Variants in TPH2 observed in about 807,000 individuals in gnomAD.
TPH2 encodes tryptophan hydroxylase 2.
In TPH2, 27 loss-of-function variants were observed where a neutral mutation model predicts 59.1. The observed-to-expected ratio is 0.46, with a 90% CI of 0.34 to 0.63. TPH2 has a LOEUF of 0.63. Ranked by LOEUF, TPH2 falls within the 30% of genes least tolerant of loss-of-function variation. The pLI is 0.01. For synonymous variants in TPH2, 220 were observed against 210.5 expected, an observed-to-expected ratio of 1.05 and a Z score of -0.39; for missense variants, 523 against 588.3, an observed-to-expected ratio of 0.89 and a Z score of 1.15.
intron 7 of TPH2, among the ~76,000 whole-genome samples, chr12:71,985,240 G>A (rs1432698581): frequency 6.6e-6 from 1 of 152,220 alleles, no homozygotes; most frequent in African/African-American, 2.4e-5. Context: ...CAGGAGTAAT[G>A]CCAGCACCTG....
intron 8 of TPH2, among the ~76,000 whole-genome samples, chr12:72,008,622 T>C (rs1873018082): frequency 6.6e-6 from 1 of 152,158 alleles, no homozygotes. Context: ...ACAATTTTGG[T>C]GAGGAAAGGA....
intron 7 of TPH2, among the ~76,000 whole-genome samples, chr12:71,987,748 G>C (rs983771732): frequency 6.6e-6 from 1 of 152,114 alleles, no homozygotes; most frequent in South Asian, 2.1e-4. Flanking sequence ...GCTACTCGGC[G>C]GGCTGAGGCA....
intron 5 of TPH2, among the ~76,000 whole-genome samples, chr12:71,954,158 C>G (rs1393292749): frequency 6.6e-6 from 1 of 151,930 alleles, no homozygotes; most frequent in Admixed American, 6.6e-5. Context: ...TACCATGAAC[C>G]CGAAAGAGGA....
At chr12:71,945,736 C>T (rs1277276521) in intron 4 of TPH2, among the ~76,000 whole-genome samples, 1 of 152,126 alleles carries the variant, frequency 6.6e-6, no homozygotes, top group Non-Finnish European at 1.5e-5. Context: ...CTAGGGAAAT[C>T]TTCAATTAAA....
At chr12:72,028,452 AC>A (rs1352527607) in intron 9 of TPH2, among the ~76,000 whole-genome samples, 1 of 152,158 alleles carries the variant, frequency 6.6e-6, no homozygotes, top group Non-Finnish European at 1.5e-5. Flanking sequence ...GGAATCAAAG[AC>A]ATGGATGCTA....
chr12:71,985,082 TG>T (rs1238248027), intron 7 of TPH2, among the ~76,000 whole-genome samples: 1 of 152,208 alleles, frequency 6.6e-6, no homozygotes, highest in Non-Finnish European at 1.5e-5. Flanking sequence ...TTAAGTGTAA[TG>T]TATGGATGGA....
chr12:71,978,392 C>T (rs1348350772), intron 6 of TPH2, among the ~76,000 whole-genome samples: 1 of 152,112 alleles, frequency 6.6e-6, no homozygotes, highest in Non-Finnish European at 1.5e-5. Context: ...TACCATAAGC[C>T]AATAGAGCAA....
At chr12:71,975,639 A>G (rs1872097348) in intron 6 of TPH2, among the ~76,000 whole-genome samples, 1 of 152,140 alleles carries the variant, frequency 6.6e-6, no homozygotes, top group South Asian at 2.1e-4. Flanking sequence ...AATTCTACCT[A>G]TTCTTCAGGA....
chr12:72,006,282 A>AT (rs1330589837), intron 8 of TPH2, among the ~76,000 whole-genome samples: 2 of 152,198 alleles, frequency 1.3e-5, no homozygotes, highest in Non-Finnish European at 2.9e-5. Context: ...GACTATCATA[A>AT]TAGGTGCAGA....
chr12:71,990,254 CAG>C (rs1427038673), intron 7 of TPH2, among the ~76,000 whole-genome samples: 1 of 152,142 alleles, frequency 6.6e-6, no homozygotes, highest in Non-Finnish European at 1.5e-5. Context: ...ATTAGATACT[CAG>C]GGGTTCGGCT....
chr12:72,002,605 G>A (rs1292900658), intron 8 of TPH2, among the ~76,000 whole-genome samples: 4 of 152,008 alleles, frequency 2.6e-5, no homozygotes, highest in African/African-American at 7.3e-5. Context: ...TACATTATAC[G>A]GTCACAGTGG....
chr12:71,971,274 C>T (rs766991126), intron 5 of TPH2, among the ~76,000 whole-genome samples: 2 of 152,172 alleles, frequency 1.3e-5, no homozygotes, highest in Non-Finnish European at 2.9e-5. Flanking sequence ...CCTAGTTTTA[C>T]GTGCATATGT....
intron 9 of TPH2, among the ~76,000 whole-genome samples, chr12:72,023,824 A>AAAAAAAAAAAAG (rs767946729): frequency 0.011 from 1,371 of 126,740 alleles, 31 homozygotes; most frequent in Non-Finnish European, 0.014. Flanking sequence ...TCTGACAGAA[A>AAAAAAAAAAAAG]AAAAAAAAAA....
chr12:71,941,098 A>G lies in TPH2; in HGVS notation c.106-486A>G, dbSNP rs867648614. Among the ~76,000 whole-genome samples the G allele has an allele frequency of 1.3e-5, 2 of 152,352 alleles. 1 individual carries two copies. Among genetic ancestry groups the G allele is most frequent in the Middle Eastern group, 6.8e-3 (2 of 294 alleles). On this transcript the variant is annotated intron_variant, in intron 1 of 10. Coordinates refer to ENST00000333850, the MANE Select transcript of TPH2 (RefSeq NM_173353.4). ...CATTAATTTCTGGGCATGTGCTGAC[A>G]TATTTTGGAATGAAATCGATATTTT...
chr12:71,950,280 T>C (rs1476413919), intron 5 of TPH2, among the ~76,000 whole-genome samples: 1 of 152,174 alleles, frequency 6.6e-6, no homozygotes, highest in African/African-American at 2.4e-5. Context: ...AGGCTTTGTG[T>C]GAGCAATAAA....
intron 8 of TPH2, among the ~76,000 whole-genome samples, chr12:72,007,253 C>T (rs974908820): frequency 2.6e-5 from 4 of 152,036 alleles, no homozygotes; most frequent in African/African-American, 9.7e-5. Flanking sequence ...GCACACCTCC[C>T]CCGAGCATAG....
At chr12:72,009,644 A>AGT (rs1304603861) in intron 8 of TPH2, among the ~76,000 whole-genome samples, 1 of 152,202 alleles carries the variant, frequency 6.6e-6, no homozygotes, top group African/African-American at 2.4e-5. Flanking sequence ...ACTTGTTTGT[A>AGT]GTGTGTGTTC....
Position 72,032,308 on chromosome 12 carries a change from C to T in TPH2, c.*613C>T, listed in dbSNP as rs148873427. On this transcript the variant is annotated 3_prime_UTR_variant, in exon 11 of 11. Coordinates refer to ENST00000333850, the MANE Select transcript of TPH2 (RefSeq NM_173353.4). ...GTAGGTTGCGTTGACCTTGTAGAAC[C>T]TGAGTTATGACAAGCTTCCTGAAGT... 1 of 154,376 alleles carries T rather than the reference C, an allele frequency of 6.5e-6. No individual in the cohort carries two copies. The highest frequency in any genetic ancestry group is 1.4e-5 in the Non-Finnish European group (1 of 69,538). The allele number at this position is 154,376 out of a possible 1,614,324, so 9.6% of individuals were successfully genotyped here.
chr12:71,996,373 C>T (rs1872695631), intron 8 of TPH2, among the ~76,000 whole-genome samples: 1 of 152,206 alleles, frequency 6.6e-6, no homozygotes, highest in Non-Finnish European at 1.5e-5. Context: ...CCACGCTCAA[C>T]TGGAGTGGAA....
Sources: gnomAD v4.1 joint callset for allele counts (sites outside exome capture counted in the v4.1 genomes callset) on GRCh38, gnomAD v4.1.1 for gene constraint, MANE v1.5 for transcripts, NCBI Gene and HGNC (gene_info 2026-07-23, HGNC 2026-07-21) for gene names.